The following SON variants were observed in gnomAD, a reference collection of about 807,000 sequenced individuals.
The protein encoded by SON is SON DNA and RNA binding protein.
A neutral mutation model predicts 173.3 loss-of-function variants in SON; 4 were observed. That is an observed-to-expected ratio of 0.02 (90% CI 0.01 to 0.05). SON has a LOEUF of 0.05. Ranked by LOEUF, SON falls within the 10% of genes least tolerant of loss-of-function variation. The probability of loss-of-function intolerance (pLI) is 1.00; values close to 1 mark genes in which losing one functional copy is unlikely to be tolerated. For missense variants in SON, 2,626 were observed against 3,055.3 expected (o/e 0.86, Z 3.31); for synonymous variants, 1,190 against 1,105.9 (o/e 1.08, Z -1.51).
intron 2 of SON, among the ~76,000 whole-genome samples, chr21:33,548,289 G>T (rs2085671178): frequency 6.6e-6 from 1 of 151,296 alleles, no homozygotes; most frequent in Non-Finnish European, 1.5e-5. Flanking sequence ...AGTATTGGGG[G>T]AAAATGTTAT....
At chr21:33,556,754 AAG>A (rs1207806079) in intron 3 of SON, among the ~76,000 whole-genome samples, 2 of 151,824 alleles carry the variant, frequency 1.3e-5, no homozygotes, top group African/African-American at 4.8e-5. Context: ...CTGGGGCTCA[AAG>A]AGTGATTTAA....
chr21:33,555,214 C>G lies in SON; in HGVS notation c.5983C>G (p.Pro1995Ala). Reference sequence around the variant, plus strand: ...CACCCCTAGCCGTCGGAGCCGCACCCCAAGCCGCCGGAGAAGATCAAGGTC... The same window carrying G: ...CACCCCTAGCCGTCGGAGCCGCACCGCAAGCCGCCGGAGAAGATCAAGGTC... ...SRTPSRRSRT[P>A]SRRRRSRSVV... The change falls in exon 3 of 12, where the codon CCA becomes GCA. Residue 1995 changes from proline to alanine, a missense_variant. Transcript: ENST00000356577. 6.2e-7 allele frequency: 1 copy of G among 1,600,232 alleles called. No homozygotes were observed. The highest frequency in any genetic ancestry group is 8.5e-7 in the Non-Finnish European group (1 of 1,175,204).
chr21:33,546,071 A>C (rs774321034), intron 1 of SON, 142 bp from the exon 2 acceptor site: 55 of 607,108 alleles, frequency 9.1e-5, no homozygotes, highest in Non-Finnish European at 1.3e-4. Flanking sequence ...GGTAAGAAGC[A>C]TTATTAGTGG....
chr21:33,550,567 G>T lies in SON; in HGVS notation c.1336G>T (p.Val446Leu). The T allele has an allele frequency of 6.2e-7, 1 of 1,613,860 alleles. No homozygotes were observed. Among genetic ancestry groups the T allele is most frequent in the Non-Finnish European group, 8.5e-7 (1 of 1,179,938 alleles). Residue 446 changes from valine (V) to leucine (L), a missense_variant, in exon 3 of 12, where the codon GTG becomes TTG. By Grantham distance (32) the Val-to-Leu change is conservative (BLOSUM62 1). This residue lies in a region of SON where 757 missense variants were observed against 730.1 expected (regional missense o/e 1.04). Transcript: ENST00000356577. The stretch of plus-strand genomic sequence containing the variant: ...GTTGCCAGGGCCCTCTGTGACACCA[G>T]TGCCACAGTTGTCGCAGGAATTGCC... The part of the protein sequence containing the change: ...PELPGPSVTP[V>L]PQLSQELPGL...
At chr21:33,567,443 T>G in intron 7 of SON, 176 bp downstream of exon 7, 1 of 595,306 alleles carries the variant, frequency 1.7e-6, no homozygotes, top group Non-Finnish European at 3.1e-6. Context: ...TGATCATTTA[T>G]TCAATAAATG....
Position 33,553,432 on chromosome 21 carries a change from G to T in SON, c.4201G>T (p.Asp1401Tyr). ...GGAGCCTCCTGTTGTGGCTGAGCCAGACTATGTTACCATTCCTGTGCCAGT... is the reference window on the plus strand; with the variant it reads ...GGAGCCTCCTGTTGTGGCTGAGCCATACTATGTTACCATTCCTGTGCCAGT... Reference protein sequence around the residue: ...VPEPPVVAEPDYVTIPVPVVS... With the variant: ...VPEPPVVAEPYYVTIPVPVVS... Residue 1401 changes from aspartate to tyrosine, a missense_variant, in exon 3 of 12, where the codon GAC becomes TAC. Physicochemically the swap from Asp to Tyr is radical, Grantham distance 160 (BLOSUM62 -3). Coordinates refer to ENST00000356577, the MANE Select transcript of SON (RefSeq NM_138927.4). 1 of 1,614,212 alleles carries T rather than the reference G, an allele frequency of 6.2e-7. No homozygotes were observed. Among genetic ancestry groups the T allele is most frequent in the East Asian group, 2.2e-5 (1 of 44,892 alleles).
In SON at chr21:33,547,891, T is replaced by C. The variant is rs1309002563; in HGVS notation, c.244+1512T>C. ...CACCACGCCCGGCTAATTTTTTGTA[T>C]TTTTTTTTTTTTTAGTAGAGACGGG... On this transcript the variant is annotated intron_variant, in intron 2 of 11. Coordinates refer to ENST00000356577, the MANE Select transcript of SON (RefSeq NM_138927.4). Among the ~76,000 whole-genome samples, 3 of 3,330 alleles carry C rather than the reference T, an allele frequency of 9.0e-4. No individual in the cohort carries two copies. In the East Asian group the frequency reaches 0.3, roughly 333 times the overall value. The allele number at this position is 3,330 out of a possible 152,430, so 2.2% of individuals were successfully genotyped here.
intron 4 of SON, chr21:33,557,762 T>G: frequency 4.5e-6 from 6 of 1,320,892 alleles, no homozygotes; most frequent in Non-Finnish European, 5.0e-6. Context: ...AGCTGGCCAT[T>G]GCCTGAAAGG....
intron 7 of SON, among the ~76,000 whole-genome samples, chr21:33,567,798 A>G (rs1374268068): frequency 6.6e-6 from 1 of 152,196 alleles, no homozygotes; most frequent in Non-Finnish European, 1.5e-5. Context: ...CTGTAATGCC[A>G]GCTACTCAGG....
Position 33,553,843 on chromosome 21 carries a change from A to G in SON, c.4612A>G (p.Asn1538Asp). The part of the protein sequence containing the change: ...HGINIDLNIN[N>D]HLIAKEMEHN... ...TATAAATATAGACCTTAATATAAAT[A>G]ATCATTTAATTGCTAAAGAGATGGA... Residue 1538 changes from asparagine to aspartate, a missense_variant, in exon 3 of 12, where the codon AAT (asparagine) becomes GAT (aspartate). This residue lies in a region of SON where 1,006 missense variants were observed against 895.6 expected (regional missense o/e 1.12). Coordinates refer to ENST00000356577, the MANE Select transcript of SON (RefSeq NM_138927.4). 6.2e-7 allele frequency: 1 copy of G among 1,613,824 alleles called. No homozygotes were observed. Among genetic ancestry groups the G allele is most frequent in the Non-Finnish European group, 8.5e-7 (1 of 1,179,770 alleles).
Position 33,550,135 on chromosome 21 carries a change from C to G in SON, c.904C>G (p.Pro302Ala). 1 of 1,614,198 alleles carries G rather than the reference C, an allele frequency of 6.2e-7. No individual in the cohort carries two copies. Among genetic ancestry groups the G allele is most frequent in the Non-Finnish European group, 8.5e-7 (1 of 1,180,042 alleles). The change falls in exon 3 of 12, where the codon CCT becomes GCT. Residue 302 changes from proline (P) to alanine (A), a missense_variant. By Grantham distance (27) the Pro-to-Ala change is conservative (BLOSUM62 -1). Around this residue, in one of 13 missense-constraint regions of SON, gnomAD observed 757 missense variants for 730.1 expected, o/e 1.04. Transcript: ENST00000356577. ...GCCCCCAGTAGCAAAAGTGTTAGAG[C>G]CTTCAGAAACCCTTGTGGTATCATC... ...VEPPVAKVLE[P>A]SETLVVSSET... is the part of the protein sequence containing the mutation.
At chr21:33,567,075 G>T in intron 6 of SON, 82 bp from the exon 7 acceptor site, 1 of 701,858 alleles carries the variant, frequency 1.4e-6, no homozygotes, top group Non-Finnish European at 2.5e-6. Flanking sequence ...TTTTTGATAT[G>T]TAGCAACTAA....
rs917683404 is a variant in SON at position 33,550,292 on chromosome 21, C to T, written c.1061C>T (p.Ser354Phe). The T allele has an allele frequency of 2.5e-6, 4 of 1,613,886 alleles. No individual in the cohort carries two copies. The African/African-American group carries it at 5.3e-5, about 22-fold the overall frequency. Reference sequence around the variant, plus strand: ...GTACCATCGGAGATTGCAGATTCATCCATGACAAGACCGCAGGAGTTGCCG... The same window carrying T: ...GTACCATCGGAGATTGCAGATTCATTCATGACAAGACCGCAGGAGTTGCCG... The part of the protein sequence containing the change: ...VDVPSEIADS[S>F]MTRPQELPEL... Residue 354 changes from serine (S) to phenylalanine (F), a missense_variant, in exon 3 of 12, where the codon TCC becomes TTC. Around this residue, in one of 13 missense-constraint regions of SON, gnomAD observed 757 missense variants for 730.1 expected, o/e 1.04. Transcript: ENST00000356577.
At position 33,568,450 on chromosome 21, in the gene SON, C is replaced by T. The variant is rs117867833; in HGVS notation, c.6769-521C>T. On this transcript the variant is annotated intron_variant, in intron 7 of 11. Coordinates refer to ENST00000356577, the MANE Select transcript of SON (RefSeq NM_138927.4). ...GGAGGAGGTTGCAGTGAGCAGACAT[C>T]GCACCATTGCACTCCAGCCTGGGCA... 4.4e-3 allele frequency among the ~76,000 whole-genome samples: 663 copies of T among 152,304 alleles called. 18 individuals carry two copies. The East Asian group carries it at 0.055, about 13-fold the overall frequency.
Position 33,559,909 on chromosome 21 carries a change from A to G in SON, c.6657+134A>G. On this transcript the variant is annotated intron_variant, in intron 6 of 11. Transcript: ENST00000356577. This position sits in a 1 kb window ranked among gnomAD's most constrained non-coding sequence, Gnocchi z 4.1. ...TTAAACGGCAGGGCCGGGTTAGACG[A>G]CAGATGAAACAACCCGCAGCTTCTC... The G allele has an allele frequency of 6.2e-7, 1 of 1,611,436 alleles. No individual in the cohort carries two copies. The highest frequency in any genetic ancestry group is 8.5e-7 in the Non-Finnish European group (1 of 1,177,884).
chr21:33,550,825 A>G lies in SON; in HGVS notation c.1594A>G (p.Thr532Ala), dbSNP rs911770629. 2 of 1,613,816 alleles carry G rather than the reference A, an allele frequency of 1.2e-6. No individual in the cohort carries two copies. Among genetic ancestry groups the G allele is most frequent in the African/African-American group, 2.7e-5 (2 of 74,918 alleles). Residue 532 changes from threonine (T) to alanine (A), a missense_variant, in exon 3 of 12, where the codon ACG becomes GCG. By Grantham distance (58) the Thr-to-Ala change is moderately conservative. Transcript: ENST00000356577. Reference sequence around the variant, plus strand: ...ACATCCTGGGCATCCTGAGGTGACAACGGCAACAGGGTTGCTGGGGCAGCC... The same window carrying G: ...ACATCCTGGGCATCCTGAGGTGACAGCGGCAACAGGGTTGCTGGGGCAGCC... ...VEHPGHPEVT[T>A]ATGLLGQPEA...
In SON at chr21:33,553,745, T is replaced by C. The variant is rs1190752814; in HGVS notation, c.4514T>C (p.Ile1505Thr). ...NLAPEIGMQE[I>T]ALHSGEEPHA... is the part of the protein sequence containing the mutation. ...GCTCCAGAGATTGGCATGCAGGAGA[T>C]TGCATTGCATTCAGGTGAAGAACCA... The change falls in exon 3 of 12, where the codon ATT becomes ACT. Residue 1505 changes from isoleucine to threonine, a missense_variant. Coordinates refer to ENST00000356577, the MANE Select transcript of SON (RefSeq NM_138927.4). 4 of 1,613,838 alleles carry C rather than the reference T, an allele frequency of 2.5e-6. No homozygotes were observed. Among genetic ancestry groups the C allele is most frequent in the Non-Finnish European group, 3.4e-6 (4 of 1,179,948 alleles).
Position 33,567,229 on chromosome 21 carries a change from C to A in SON, c.6730C>A (p.Leu2244Ile). The change falls in exon 7 of 12, where the codon CTT becomes ATT. Residue 2244 changes from leucine to isoleucine, a missense_variant. Leu to Ile is a conservative substitution (Grantham distance 5). Around this residue, in one of 13 missense-constraint regions of SON, gnomAD observed 75 missense variants for 201.6 expected, o/e 0.37. Transcript: ENST00000356577. ...QKRLSENAFD[L>I]EAMSMLNRAQ... ...AAGACTCAGTGAGAATGCATTTGAT[C>A]TTGAAGCCATGAGCATGTTAAATAG... is the stretch of plus-strand genomic sequence containing the variant. 6.2e-7 allele frequency: 1 copy of A among 1,610,848 alleles called. No homozygotes were observed. Among genetic ancestry groups the A allele is most frequent in the Non-Finnish European group, 8.5e-7 (1 of 1,177,132 alleles).
Position 33,555,141 on chromosome 21 carries a change from C to T in SON, c.5910C>T (p.Arg1970=). The part of the protein sequence containing the change: ...PSRRSRTPSR[R]SRTPSRRSRT... The stretch of plus-strand genomic sequence containing the variant: ...GCCGCAGCCGCACCCCCAGCCGCCG[C>T]AGCCGCACCCCCAGCCGCCGCAGCC... The change falls in exon 3 of 12, where the codon CGC becomes CGT. Residue 1970 remains arginine (R), a synonymous_variant. Coordinates refer to ENST00000356577, the MANE Select transcript of SON (RefSeq NM_138927.4). 1 of 1,473,852 alleles carries T rather than the reference C, an allele frequency of 6.8e-7. No individual in the cohort carries two copies. The highest frequency in any genetic ancestry group is 8.9e-7 in the Non-Finnish European group (1 of 1,118,372). 91.3% of individuals were successfully genotyped at this position (1,473,852 alleles called of 1,614,324 possible).
Sources: allele counts gnomAD v4.1 joint callset (sites outside exome capture counted in the v4.1 genomes callset), GRCh38; gene constraint gnomAD v4.1.1; regional missense constraint gnomAD v4.1.1; non-coding constraint Gnocchi (gnomAD v3.1); transcripts MANE v1.5; gene names NCBI Gene and HGNC (gene_info 2026-07-23, HGNC 2026-07-21).